The following USP33 variants were observed in gnomAD, a reference collection of about 807,000 sequenced individuals.
The protein encoded by USP33 is ubiquitin carboxyl-terminal hydrolase 33.
A neutral mutation model predicts 124.2 loss-of-function variants in USP33; 46 were observed. That is an observed-to-expected ratio of 0.37 (90% CI 0.29 to 0.47). The LOEUF is 0.47. Among genes scored for constraint, USP33 ranks in the 20% least tolerant of loss-of-function variants. The probability of loss-of-function intolerance (pLI) is 0.99; values close to 1 mark genes in which losing one functional copy is unlikely to be tolerated. For synonymous variants in USP33, 350 were observed against 352.3 expected (o/e 0.99, Z 0.07); for missense variants, 851 against 1,070.6 (o/e 0.79, Z 2.86).
intron 1 of USP33, among the ~76,000 whole-genome samples, chr1:77,751,019 AT>A (rs1680282025): frequency 6.6e-6 from 1 of 152,244 alleles, no homozygotes; most frequent in Non-Finnish European, 1.5e-5. Flanking sequence ...AGTATTAGAC[AT>A]TAGAAAAAAA....
At chr1:77,700,367 G>A (rs559051913) in intron 22 of USP33, among the ~76,000 whole-genome samples, 1 of 152,278 alleles carries the variant, frequency 6.6e-6, no homozygotes, top group Non-Finnish European at 1.5e-5. Flanking sequence ...CACTTTGGGA[G>A]GCCAAGGTTG....
chr1:77,717,224 T>C (rs1341793173), intron 17 of USP33, among the ~76,000 whole-genome samples: 1 of 150,052 alleles, frequency 6.7e-6, no homozygotes, highest in African/African-American at 2.4e-5. Flanking sequence ...GCATGGTGGC[T>C]CACACCTGTA....
chr1:77,743,694 A>AG (rs1679391538), intron 1 of USP33, among the ~76,000 whole-genome samples: 1 of 152,218 alleles, frequency 6.6e-6, no homozygotes. Flanking sequence ...CAATTCTCAA[A>AG]GCCTTTAAGG....
intron 7 of USP33, 68 bp downstream of exon 7, chr1:77,734,279 A>C (rs1678171845): frequency 8.0e-7 from 1 of 1,246,690 alleles, no homozygotes; most frequent in African/African-American, 1.5e-5. Flanking sequence ...CTATAGTTGC[A>C]AGGTTTTCTG....
At chr1:77,748,549 G>A (rs2101590843) in intron 1 of USP33, among the ~76,000 whole-genome samples, 2 of 152,000 alleles carry the variant, frequency 1.3e-5, no homozygotes, top group African/African-American at 4.8e-5. Context: ...GGCGCCTGTA[G>A]TCCCAGCTAC....
chr1:77,729,800 A>G, intron 9 of USP33, 60 bp downstream of exon 9: 1 of 1,553,502 alleles, frequency 6.4e-7, no homozygotes. Context: ...CAAAAAAAAC[A>G]TAATGGCATT....
chr1:77,728,606 G>T lies in USP33; in HGVS notation c.824C>A (p.Thr275Lys), dbSNP rs758956759. 1 of 1,613,998 alleles carries T rather than the reference G, an allele frequency of 6.2e-7. No individual in the cohort carries two copies. Among genetic ancestry groups the T allele is most frequent in the East Asian group, 2.2e-5 (1 of 44,864 alleles). Residue 275 changes from threonine (T) to lysine (K), a missense_variant, in exon 10 of 24, where the codon ACA (threonine) becomes AAA (lysine). By Grantham distance (78) the Thr-to-Lys change is moderately conservative. Around this residue, in one of 4 missense-constraint regions of USP33, gnomAD observed 207 missense variants for 200.9 expected, o/e 1.03. Coordinates refer to ENST00000370794, the MANE Select transcript of USP33 (RefSeq NM_201624.3). ...CGACTGGCTCTTGTCTTCTTCCATT[G>T]TCTCCTCAGTGGTTATGGTTTGCGG... ...EDPQTITTEE[T>K]MEEDKSQSDV...
intron 5 of USP33, among the ~76,000 whole-genome samples, chr1:77,738,391 T>A (rs1678723323): frequency 6.6e-6 from 1 of 152,242 alleles, no homozygotes; most frequent in South Asian, 2.1e-4. Flanking sequence ...TATTTTTCTA[T>A]GACTTTAAGA....
At chr1:77,705,159 T>A (rs1193665005) in intron 21 of USP33, among the ~76,000 whole-genome samples, 1 of 151,238 alleles carries the variant, frequency 6.6e-6, no homozygotes, top group African/African-American at 2.4e-5. Context: ...AAAAAAACCC[T>A]AATATTATAG....
chr1:77,722,348 G>C, intron 12 of USP33, 152 bp from the exon 13 acceptor site: 1 of 662,674 alleles, frequency 1.5e-6, no homozygotes, highest in South Asian at 2.2e-5. Context: ...TGCTTTCATA[G>C]TCATAATAGC....
At position 77,725,717 on chromosome 1, in the gene USP33, A is replaced by G; in HGVS notation, c.1181T>C (p.Ile394Thr). Residue 394 changes from isoleucine (I) to threonine (T), a missense_variant, in exon 11 of 24, where the codon ATC (isoleucine) becomes ACC (threonine). Transcript: ENST00000370794. Reference protein sequence around the residue: ...VHSNDLSTPQILPSNEGVNPR... With the variant: ...VHSNDLSTPQTLPSNEGVNPR... ...ATTAACACCTTCATTTGATGGAAGG[A>G]TCTGTGGTGTAGACAGGTCATTCGA... 13 of 1,614,130 alleles carry G rather than the reference A, an allele frequency of 8.1e-6. No homozygotes were observed. The highest frequency in any genetic ancestry group is 1.1e-5 in the Non-Finnish European group (13 of 1,180,014).
Position 77,711,738 on chromosome 1 carries a change from C to G in USP33, c.2406+9G>C. The G allele has an allele frequency of 6.2e-7, 1 of 1,601,948 alleles. No homozygotes were observed. The highest frequency in any genetic ancestry group is 8.5e-7 in the Non-Finnish European group (1 of 1,177,396). ...TCCTAGATCAATTTGAAAAGCATCA[C>G]TTTTTTACCCGAATAAAAATTTCCA... On this transcript the variant is annotated intron_variant, in intron 21 of 23. Transcript: ENST00000370794.
chr1:77,735,337 TATTTGG>T (rs1678316390), intron 6 of USP33, among the ~76,000 whole-genome samples: 1 of 152,206 alleles, frequency 6.6e-6, no homozygotes, highest in African/African-American at 2.4e-5. Flanking sequence ...TTATAAATGC[TATTTGG>T]ATTTGGAGCA....
At chr1:77,738,539 G>A (rs1229864869) in intron 5 of USP33, among the ~76,000 whole-genome samples, 3 of 151,616 alleles carry the variant, frequency 2.0e-5, no homozygotes, top group African/African-American at 7.3e-5. Context: ...GGAGTGCAGT[G>A]GCAAGGTCTC....
intron 1 of USP33, among the ~76,000 whole-genome samples, chr1:77,758,779 A>C (rs896717200): frequency 6.6e-6 from 1 of 152,174 alleles, no homozygotes; most frequent in Non-Finnish European, 1.5e-5. Flanking sequence ...TAAACTTAAA[A>C]ATTCTCTACA....
intron 1 of USP33, among the ~76,000 whole-genome samples, chr1:77,742,208 C>A (rs1679202585): frequency 6.6e-6 from 1 of 152,040 alleles, no homozygotes. Flanking sequence ...GGACCCCCTA[C>A]TGATGGCATA....
Position 77,711,769 on chromosome 1 carries a change from G to C in USP33, c.2384C>G (p.Thr795Ser). ...TACCCGAATAAAAATTTCCAATTCA[G>C]TTTTTCTTCTTTTTTCAATTTTCTC... ...EAEKIEKRRK[T>S]ELEIFIRLNR... The change falls in exon 21 of 24, where the codon ACT becomes AGT. Residue 795 changes from threonine (T) to serine (S), a missense_variant. Transcript: ENST00000370794. 2 of 1,608,242 alleles carry C rather than the reference G, an allele frequency of 1.2e-6. No individual in the cohort carries two copies. The highest frequency in any genetic ancestry group is 1.7e-6 in the Non-Finnish European group (2 of 1,178,530).
At chr1:77,751,127 G>A (rs1680292523) in intron 1 of USP33, among the ~76,000 whole-genome samples, 1 of 152,190 alleles carries the variant, frequency 6.6e-6, no homozygotes, top group Non-Finnish European at 1.5e-5. Context: ...TTACAAGTTG[G>A]AAATCACAAA....
chr1:77,730,361 A>C (rs1570803661), intron 8 of USP33, among the ~76,000 whole-genome samples: 2 of 152,198 alleles, frequency 1.3e-5, no homozygotes, highest in South Asian at 4.1e-4. Context: ...CTAAAGTTCC[A>C]GTAATAGCAG....
Sources: gnomAD v4.1 joint callset for allele counts (sites outside exome capture counted in the v4.1 genomes callset) on GRCh38, gnomAD v4.1.1 for gene constraint, gnomAD v4.1.1 regional missense constraint, MANE v1.5 for transcripts, NCBI Gene and HGNC (gene_info 2026-07-23, HGNC 2026-07-21) for gene names.